CEP63: variants seen among roughly 807,000 people sequenced by gnomAD.
The protein encoded by CEP63 is centrosomal protein 63.
Under a neutral mutation model 89.1 loss-of-function variants are expected in CEP63, and 84 were observed. That is an observed-to-expected ratio of 0.94 (90% confidence interval 0.79 to 1.13). CEP63 has a LOEUF of 1.13. Among genes scored for constraint, CEP63 ranks in the 50% most tolerant of loss-of-function variants. The probability of loss-of-function intolerance (pLI) is 0.00; values close to 1 mark genes in which losing one functional copy is unlikely to be tolerated. For missense variants in CEP63, 838 were observed against 813.3 expected, an observed-to-expected ratio of 1.03 and a Z score of -0.37; for synonymous variants, 267 against 272.5, an observed-to-expected ratio of 0.98 and a Z score of 0.20.
At chr3:134,556,363 G>C (rs368792513) in intron 12 of CEP63, among the ~76,000 whole-genome samples, 1 of 151,766 alleles carries the variant, frequency 6.6e-6, no homozygotes, top group Admixed American at 6.6e-5. Flanking sequence ...GAAAATTTTC[G>C]AAAGGATTTA....
At chr3:134,645,348 A>T in the CEP63 span, among the ~76,000 whole-genome samples, 3 of 152,268 alleles carry the variant, frequency 2.0e-5, no homozygotes, top group Admixed American at 2.0e-4. Context: ...GAGGGGGAAA[A>T]TGTGCCCTTC....
the CEP63 span, among the ~76,000 whole-genome samples, chr3:134,671,846 C>T: frequency 3.9e-5 from 6 of 152,046 alleles, no homozygotes; most frequent in African/African-American, 9.7e-5. Flanking sequence ...TAGTTGGTGG[C>T]GATGTCCACC....
At chr3:134,777,124 T>C in the CEP63 span, among the ~76,000 whole-genome samples, 1 of 152,170 alleles carries the variant, frequency 6.6e-6, no homozygotes, top group Non-Finnish European at 1.5e-5. Context: ...CATTATTGAG[T>C]CCTCAGTGAA....
At chr3:134,543,806 C>T (rs1952569719) in intron 6 of CEP63, among the ~76,000 whole-genome samples, 1 of 151,372 alleles carries the variant, frequency 6.6e-6, no homozygotes, top group African/African-American at 2.4e-5. Context: ...CCAATATCTG[C>T]ATTTATTTAT....
chr3:134,507,940 G>A (rs1472233533), intron 3 of CEP63, among the ~76,000 whole-genome samples: 1 of 152,156 alleles, frequency 6.6e-6, no homozygotes, highest in East Asian at 1.9e-4. Context: ...TGTGAGAGTT[G>A]CCTGTTAATT....
At chr3:134,762,574 AG>A in the CEP63 span, among the ~76,000 whole-genome samples, 6 of 149,356 alleles carry the variant, frequency 4.0e-5, no homozygotes, top group African/African-American at 1.5e-4. Flanking sequence ...CCTCATAAGA[AG>A]GGGAAATTTG....
At chr3:134,611,058 T>G in the CEP63 span, among the ~76,000 whole-genome samples, 1 of 152,202 alleles carries the variant, frequency 6.6e-6, no homozygotes, top group African/African-American at 2.4e-5. Context: ...GTCTGTCCTT[T>G]GTGAACATGG....
At chr3:134,718,651 A>G in the CEP63 span, among the ~76,000 whole-genome samples, 1 of 152,176 alleles carries the variant, frequency 6.6e-6, no homozygotes, top group Non-Finnish European at 1.5e-5. Context: ...AAACTCACCA[A>G]TCATTAGATT....
the CEP63 span, among the ~76,000 whole-genome samples, chr3:134,706,982 C>T: frequency 1.3e-5 from 2 of 152,204 alleles, no homozygotes; most frequent in Non-Finnish European, 2.9e-5. Flanking sequence ...AAGATGATCT[C>T]ATCCTAAGAT....
the CEP63 span, among the ~76,000 whole-genome samples, chr3:134,747,979 T>C: frequency 6.6e-6 from 1 of 152,092 alleles, no homozygotes; most frequent in African/African-American, 2.4e-5. Flanking sequence ...AGAGACAGGG[T>C]TTCACCATAT....
downstream of CEP63, among the ~76,000 whole-genome samples, chr3:134,587,984 C>T (rs936097691): frequency 3.3e-5 from 5 of 152,088 alleles, no homozygotes; most frequent in Non-Finnish European, 5.9e-5. Flanking sequence ...AGAATATGTC[C>T]CTCTTCAAAT....
chr3:134,587,343 G>A (rs1006406756), intron 10 of CEP63, among the ~76,000 whole-genome samples: 1 of 152,110 alleles, frequency 6.6e-6, no homozygotes, highest in Non-Finnish European at 1.5e-5. Flanking sequence ...ATCTACCTTT[G>A]GTCTTTGATG....
the CEP63 span, chr3:134,600,783 T>G: frequency 7.2e-5 from 11 of 152,300 alleles, no homozygotes; most frequent in African/African-American, 2.4e-4. Context: ...GGCAAAACAG[T>G]CCCATCACAT....
intron 3 of CEP63, among the ~76,000 whole-genome samples, chr3:134,529,339 CTTTTT>C (rs66493822): frequency 2.6e-5 from 3 of 116,938 alleles, no homozygotes; most frequent in Non-Finnish European, 5.0e-5. Context: ...TCCCCATTGA[CTTTTT>C]TTTTTTTTTT....
the CEP63 span, among the ~76,000 whole-genome samples, chr3:134,747,146 G>A: frequency 6.6e-6 from 1 of 152,138 alleles, no homozygotes; most frequent in Non-Finnish European, 1.5e-5. Flanking sequence ...CATATGACTA[G>A]CCAGTTTTCC....
chr3:134,715,956 C>A, the CEP63 span, among the ~76,000 whole-genome samples: 1 of 151,946 alleles, frequency 6.6e-6, no homozygotes, highest in Non-Finnish European at 1.5e-5. Context: ...TCTAAGTTTT[C>A]CCTTGTAGGT....
At chr3:134,767,360 A>G in the CEP63 span, among the ~76,000 whole-genome samples, 1 of 152,176 alleles carries the variant, frequency 6.6e-6, no homozygotes, top group Non-Finnish European at 1.5e-5. Flanking sequence ...AGACTGTTTC[A>G]ATTGGTTAAT....
At chr3:134,532,080 T>G (rs1419704710) in intron 4 of CEP63, 140 bp downstream of exon 4, 2 of 619,278 alleles carry the variant, frequency 3.2e-6, no homozygotes, top group African/African-American at 3.7e-5. Flanking sequence ...GGGAATCCAT[T>G]TCTCTGTTCT....
chr3:134,608,400 G>A, the CEP63 span: 7 of 1,458,760 alleles, frequency 4.8e-6, no homozygotes, highest in South Asian at 1.2e-5. Flanking sequence ...ATCCCTTTCT[G>A]GGTTTATGCT....
Sources: allele counts gnomAD v4.1 joint callset (sites outside exome capture counted in the v4.1 genomes callset), GRCh38; gene constraint gnomAD v4.1.1; transcripts MANE v1.5; gene names NCBI Gene and HGNC (gene_info 2026-07-23, HGNC 2026-07-21).